The following GSE1 variants were observed in gnomAD, a reference collection of about 807,000 sequenced individuals.
GSE1 encodes the protein Gse1 coiled-coil protein.
Under a neutral mutation model 112.6 loss-of-function variants are expected in GSE1, and 32 were observed. The ratio of observed to expected loss-of-function variants is 0.28; its 90% CI spans 0.21 to 0.38. The LOEUF is 0.38. GSE1 is among the 10% of genes least tolerant of loss of function. The pLI is 1.00. For synonymous variants in GSE1, 1,115 were observed against 735.6 expected (o/e 1.52, Z -8.35); for missense variants, 2,348 against 1,699.2 (o/e 1.38, Z -6.71).
intron 1 of GSE1, among the ~76,000 whole-genome samples, chr16:85,267,401 G>A (rs1486484210): frequency 6.6e-6 from 1 of 152,130 alleles, no homozygotes; most frequent in African/African-American, 2.4e-5. Context: ...CCCCCTCGGT[G>A]ACTTCCCAAG....
At chr16:85,623,215 CT>C (rs34549947) in intron 1 of GSE1, among the ~76,000 whole-genome samples, 5,428 of 139,752 alleles carry the variant, frequency 0.039, 211 homozygotes, top group African/African-American at 0.12. Flanking sequence ...TTGTCCACTC[CT>C]TTTTTTTTTT....
At chr16:85,267,310 T>C (rs1021749169) in intron 1 of GSE1, among the ~76,000 whole-genome samples, 2 of 151,990 alleles carry the variant, frequency 1.3e-5, no homozygotes, top group Admixed American at 6.5e-5. Context: ...TCCGAAACCA[T>C]AAAAACCCAG....
At position 85,673,387 on chromosome 16, in the gene GSE1, A is replaced by G. The variant is rs1026823169; in HGVS notation, c.*848A>G. On this transcript the variant is annotated 3_prime_UTR_variant, in exon 16 of 16. Coordinates refer to ENST00000253458, the MANE Select transcript of GSE1 (RefSeq NM_014615.5). ...TTTTATTACTTTAACTATTGTTATAAAAAGCCTGCCATTTTTAATATGTGG... is the reference window on the plus strand; with the variant it reads ...TTTTATTACTTTAACTATTGTTATAGAAAGCCTGCCATTTTTAATATGTGG... 1 of 152,464 alleles carries G rather than the reference A, an allele frequency of 6.6e-6. No individual in the cohort carries two copies. The allele number at this position is 152,464 out of a possible 1,614,324, so 9.4% of individuals were successfully genotyped here.
At chr16:85,619,838 C>T (rs563255309) in intron 1 of GSE1, among the ~76,000 whole-genome samples, 47 of 152,206 alleles carry the variant, frequency 3.1e-4, no homozygotes, top group African/African-American at 1.1e-3. Flanking sequence ...AAAGGGGCCC[C>T]GGGGATCCAT....
chr16:85,190,740 T>A (rs969284397), intron 1 of GSE1, among the ~76,000 whole-genome samples: 6 of 152,242 alleles, frequency 3.9e-5, no homozygotes, highest in African/African-American at 1.4e-4. Context: ...ATAGATATCC[T>A]GGTATTTTTA....
intron 1 of GSE1, among the ~76,000 whole-genome samples, chr16:85,572,529 CACAT>C (rs1298381065): frequency 1.3e-5 from 2 of 152,116 alleles, no homozygotes; most frequent in South Asian, 2.1e-4. Context: ...ACACCGCACA[CACAT>C]ACACGTGCAC....
intron 2 of GSE1, among the ~76,000 whole-genome samples, chr16:85,378,314 C>CA (rs1015657746): frequency 6.6e-6 from 1 of 152,212 alleles, no homozygotes; most frequent in East Asian, 1.9e-4. Flanking sequence ...CCTGCCCATC[C>CA]ACTCCAGGCC....
chr16:85,495,938 G>A (rs1224479093), intron 2 of GSE1, among the ~76,000 whole-genome samples: 1 of 152,202 alleles, frequency 6.6e-6, no homozygotes, highest in African/African-American at 2.4e-5. Context: ...CTGGAGACCT[G>A]GGGTGATTCA....
At chr16:85,413,029 T>C (rs1233509164) in intron 2 of GSE1, among the ~76,000 whole-genome samples, 1 of 152,164 alleles carries the variant, frequency 6.6e-6, no homozygotes. Flanking sequence ...GGGCCTGGCT[T>C]CTGGAAGGTT....
intron 1 of GSE1, among the ~76,000 whole-genome samples, chr16:85,272,586 C>G (rs2144191680): frequency 6.6e-6 from 1 of 152,194 alleles, no homozygotes; most frequent in South Asian, 2.1e-4. Flanking sequence ...GAGCCGTGCT[C>G]AGAGCTGGCC....
chr16:85,463,790 T>A (rs942055062), intron 2 of GSE1, among the ~76,000 whole-genome samples: 3 of 151,976 alleles, frequency 2.0e-5, no homozygotes, highest in African/African-American at 4.8e-5. Flanking sequence ...ATGAGTCCCA[T>A]CGGAGAGAGG....
upstream of GSE1, among the ~76,000 whole-genome samples, chr16:85,609,393 C>G (rs1389161948): frequency 6.6e-6 from 1 of 152,188 alleles, no homozygotes; most frequent in African/African-American, 2.4e-5. Context: ...GCCATCACAC[C>G]CAGCTAACCC....
chr16:85,187,525 C>G (rs1221857499), intron 1 of GSE1, among the ~76,000 whole-genome samples: 4 of 152,262 alleles, frequency 2.6e-5, no homozygotes, highest in Non-Finnish European at 5.9e-5. Context: ...GCCATCCTTA[C>G]AAAAGAAGCT....
intron 1 of GSE1, among the ~76,000 whole-genome samples, chr16:85,620,436 C>G (rs576766573): frequency 1.8e-4 from 27 of 152,332 alleles, no homozygotes; most frequent in African/African-American, 6.3e-4. Flanking sequence ...TTTCCATTCA[C>G]TTAAATATAC....
At chr16:85,294,296 G>T (rs2930225) in intron 1 of GSE1, among the ~76,000 whole-genome samples, 123,866 of 152,174 alleles carry the variant, frequency 0.81, 50,926 homozygotes, top group African/African-American at 0.92. Context: ...TTTGCCTGTT[G>T]GTAAACCCTG....
At chr16:85,334,540 G>C (rs1313916519) in intron 1 of GSE1, among the ~76,000 whole-genome samples, 1 of 152,194 alleles carries the variant, frequency 6.6e-6, no homozygotes, top group Non-Finnish European at 1.5e-5. Flanking sequence ...TGAAGGACCT[G>C]GTGTCCCGAC....
intron 2 of GSE1, among the ~76,000 whole-genome samples, chr16:85,487,403 G>T (rs1036065722): frequency 6.6e-6 from 1 of 152,194 alleles, no homozygotes; most frequent in Non-Finnish European, 1.5e-5. Flanking sequence ...TGACAGGCAT[G>T]TCGAGGGCCT....
chr16:85,399,312 C>T (rs780403160), intron 2 of GSE1, among the ~76,000 whole-genome samples: 12 of 152,176 alleles, frequency 7.9e-5, no homozygotes, highest in South Asian at 4.1e-4. Context: ...CAGGCCGCCC[C>T]GAGTGGGGCC....
chr16:85,508,850 T>A (rs1291083863), intron 2 of GSE1, among the ~76,000 whole-genome samples: 1 of 152,208 alleles, frequency 6.6e-6, no homozygotes, highest in Non-Finnish European at 1.5e-5. Context: ...CCCAGCCTGG[T>A]GTCAGGTCCT....
Sources: gnomAD v4.1 joint callset for allele counts (sites outside exome capture counted in the v4.1 genomes callset) on GRCh38, gnomAD v4.1.1 for gene constraint, MANE v1.5 for transcripts, NCBI Gene and HGNC (gene_info 2026-07-23, HGNC 2026-07-21) for gene names.